The following NRXN1 variants were observed in gnomAD, a reference collection of about 807,000 sequenced individuals.
NRXN1 encodes neurexin 1.
NRXN1 carries 39 observed loss-of-function variants against 150.9 expected under a neutral mutation model. The ratio of observed to expected loss-of-function variants is 0.26; its 90% confidence interval spans 0.20 to 0.34. The LOEUF (loss-of-function observed/expected upper bound fraction) is 0.34, where lower values mean the gene tolerates loss of function less well. Among genes scored for constraint, NRXN1 ranks in the 10% least tolerant of loss-of-function variants. NRXN1 has a pLI of 1.00. For missense variants in NRXN1, 1,815 were observed against 1,949.9 expected, an observed-to-expected ratio of 0.93 and a Z score of 1.30; for synonymous variants, 924 against 757.0, an observed-to-expected ratio of 1.22 and a Z score of -3.62.
At chr2:50,012,755 G>C (rs982142010) in intron 21 of NRXN1, among the ~76,000 whole-genome samples, 3 of 152,104 alleles carry the variant, frequency 2.0e-5, no homozygotes, top group Admixed American at 6.6e-5. Context: ...ACAAGAAAAA[G>C]AAGTAGTTGA....
intron 2 of NRXN1, among the ~76,000 whole-genome samples, chr2:50,965,038 T>C (rs1488075705): frequency 6.6e-6 from 1 of 151,396 alleles, no homozygotes; most frequent in Non-Finnish European, 1.5e-5. Flanking sequence ...ATTAAACAAA[T>C]GAGATAAGGA....
chr2:50,864,299 A>T (rs1240735555), intron 5 of NRXN1, among the ~76,000 whole-genome samples: 2 of 151,996 alleles, frequency 1.3e-5, no homozygotes, highest in African/African-American at 4.8e-5. Flanking sequence ...ATAAAAGCTA[A>T]AAAAGCTGTG....
chr2:50,891,853 C>A (rs1487413736), intron 5 of NRXN1, among the ~76,000 whole-genome samples: 1 of 152,006 alleles, frequency 6.6e-6, no homozygotes, highest in Admixed American at 6.6e-5. Flanking sequence ...TCACTTGTTT[C>A]TTCATTCATC....
At chr2:50,713,007 TGA>T (rs1695383288) in intron 5 of NRXN1, among the ~76,000 whole-genome samples, 1 of 152,188 alleles carries the variant, frequency 6.6e-6, no homozygotes, top group Admixed American at 6.6e-5. Flanking sequence ...CTTGTATATC[TGA>T]GAGTTATATT....
intron 3 of NRXN1, among the ~76,000 whole-genome samples, chr2:50,923,966 T>A (rs1317089534): frequency 6.6e-6 from 1 of 151,828 alleles, no homozygotes; most frequent in Non-Finnish European, 1.5e-5. Flanking sequence ...CTCTGTATTT[T>A]CTGAGTGATT....
intron 22 of NRXN1, among the ~76,000 whole-genome samples, chr2:49,938,479 G>A (rs1290075716): frequency 6.6e-6 from 1 of 152,136 alleles, no homozygotes; most frequent in Non-Finnish European, 1.5e-5. Flanking sequence ...CTCACCTCCT[G>A]TGTTCCAGCT....
chr2:50,052,820 A>G (rs1692936404), intron 21 of NRXN1, among the ~76,000 whole-genome samples: 1 of 152,274 alleles, frequency 6.6e-6, no homozygotes. Context: ...TCAAAACTTT[A>G]AACTTCAAAA....
At chr2:50,132,595 G>A (rs111365968) in intron 18 of NRXN1, among the ~76,000 whole-genome samples, 3,526 of 152,098 alleles carry the variant, frequency 0.023, 130 homozygotes, top group African/African-American at 0.08. Context: ...ATGAGCCACC[G>A]CGACCGGCCC....
chr2:50,253,157 T>C (rs187543351), intron 17 of NRXN1, among the ~76,000 whole-genome samples: 1 of 152,244 alleles, frequency 6.6e-6, no homozygotes, highest in African/African-American at 2.4e-5. Flanking sequence ...CTAGGTATTT[T>C]ATTGTTTTTG....
At chr2:50,747,073 G>T (rs927907202) in intron 5 of NRXN1, among the ~76,000 whole-genome samples, 13 of 152,082 alleles carry the variant, frequency 8.5e-5, no homozygotes, top group African/African-American at 2.9e-4. Context: ...TGTACTCTCT[G>T]TGTTTTAGGG....
chr2:50,845,231 G>A (rs1031641587), intron 5 of NRXN1, among the ~76,000 whole-genome samples: 1 of 151,992 alleles, frequency 6.6e-6, no homozygotes, highest in African/African-American at 2.4e-5. Context: ...ATCATTTCAG[G>A]CATCAACATA....
chr2:51,028,191 C>A lies in NRXN1; in HGVS notation c.83G>T (p.Gly28Val). 6.7e-7 allele frequency: 1 copy of A among 1,493,472 alleles called. No individual in the cohort carries two copies. The highest frequency in any genetic ancestry group is 8.9e-7 in the Non-Finnish European group (1 of 1,127,672). 92.5% of individuals were successfully genotyped at this position (1,493,472 alleles called of 1,614,324 possible). Residue 28 changes from glycine to valine, a missense_variant, in exon 2 of 23, where the codon GGC (glycine) becomes GTC (valine). Gly to Val is a moderately radical substitution (Grantham distance 109). Transcript: ENST00000401669. ...GGCGCCCGGAAACTCCAGCCCGCTG[C>A]CCAGCTCCGCCCAGCAGCCCAGGAG... ...LLLLGCWAEL[G>V]SGLEFPGAEG...
chr2:50,985,131 G>T (rs1295078122), intron 2 of NRXN1, among the ~76,000 whole-genome samples: 3 of 151,956 alleles, frequency 2.0e-5, no homozygotes, highest in African/African-American at 7.2e-5. Flanking sequence ...GAAAAAAAAT[G>T]TGTGAAGTAA....
intron 17 of NRXN1, among the ~76,000 whole-genome samples, chr2:50,392,324 A>C (rs1572802635): frequency 6.6e-6 from 1 of 152,066 alleles, no homozygotes; most frequent in Admixed American, 6.6e-5. Flanking sequence ...CCTGCTACAT[A>C]AAGAGTTGAC....
chr2:49,975,843 G>A (rs1017467895), intron 21 of NRXN1, among the ~76,000 whole-genome samples: 6 of 151,892 alleles, frequency 4.0e-5, no homozygotes, highest in Admixed American at 2.6e-4. Flanking sequence ...AGCCTTACAG[G>A]TGAAATACTC....
At chr2:50,627,071 G>C (rs1681229933) in intron 5 of NRXN1, among the ~76,000 whole-genome samples, 1 of 151,668 alleles carries the variant, frequency 6.6e-6, no homozygotes. Flanking sequence ...GACATAAAAC[G>C]AAAAGAAAAG....
chr2:50,884,974 A>C (rs140534616), intron 5 of NRXN1, among the ~76,000 whole-genome samples: 284 of 151,788 alleles, frequency 1.9e-3, no homozygotes, highest in African/African-American at 6.2e-3. Context: ...GTGGAAGAAA[A>C]AGAAAGATTG....
chr2:50,602,976 T>C (rs1676520505), intron 8 of NRXN1, among the ~76,000 whole-genome samples: 1 of 152,326 alleles, frequency 6.6e-6, no homozygotes, highest in South Asian at 2.1e-4. Flanking sequence ...GCCAAGAGTT[T>C]GCAGTCAAAA....
chr2:50,590,739 C>T (rs544642543), intron 8 of NRXN1, among the ~76,000 whole-genome samples: 2 of 152,246 alleles, frequency 1.3e-5, no homozygotes, highest in African/African-American at 4.8e-5. Flanking sequence ...GATCATGAAT[C>T]AGAAAATGGG....
Sources: allele counts gnomAD v4.1 joint callset (sites outside exome capture counted in the v4.1 genomes callset), GRCh38; gene constraint gnomAD v4.1.1; transcripts MANE v1.5; gene names NCBI Gene and HGNC (gene_info 2026-07-23, HGNC 2026-07-21).